NBEA: variants seen among roughly 807,000 people sequenced by gnomAD.
The protein encoded by NBEA is lysosomal-trafficking regulator 2.
In NBEA, 44 loss-of-function variants were observed where a neutral mutation model predicts 343.4. That is an observed-to-expected ratio of 0.13 (90% CI 0.10 to 0.16). The LOEUF (loss-of-function observed/expected upper bound fraction) is 0.16, where lower values mean the gene tolerates loss of function less well. Ranked by LOEUF, NBEA falls within the 10% of genes least tolerant of loss-of-function variation. The pLI is 1.00. For missense variants in NBEA, 2,555 were observed against 3,631.3 expected, an observed-to-expected ratio of 0.70 and a Z score of 7.62; for synonymous variants, 1,175 against 1,238.7, an observed-to-expected ratio of 0.95 and a Z score of 1.08.
At chr13:35,323,776 C>T (rs977251351) in intron 36 of NBEA, among the ~76,000 whole-genome samples, 3 of 151,902 alleles carry the variant, frequency 2.0e-5, no homozygotes, top group Non-Finnish European at 4.4e-5. Flanking sequence ...TATTTTTTCT[C>T]TTCTGAGCAC....
intron 1 of NBEA, among the ~76,000 whole-genome samples, chr13:35,002,480 C>A (rs2061173615): frequency 1.3e-5 from 2 of 152,122 alleles, no homozygotes; most frequent in Admixed American, 1.3e-4. Context: ...TTCTTGGTAA[C>A]AACAGTAAAG....
At chr13:34,995,869 A>T (rs2060923290) in intron 1 of NBEA, among the ~76,000 whole-genome samples, 1 of 152,238 alleles carries the variant, frequency 6.6e-6, no homozygotes, top group Admixed American at 6.5e-5. Flanking sequence ...GTCCCAGAAT[A>T]TCTGAATTAG....
At chr13:35,164,551 A>G in intron 24 of NBEA, 42 bp downstream of exon 24, 2 of 1,573,340 alleles carry the variant, frequency 1.3e-6, no homozygotes, top group Middle Eastern at 1.7e-4. Context: ...TTTTATAAAT[A>G]CATGACTTTA....
chr13:35,559,697 C>T (rs978513579), intron 44 of NBEA, among the ~76,000 whole-genome samples: 3 of 152,024 alleles, frequency 2.0e-5, no homozygotes, highest in Admixed American at 6.6e-5. Context: ...AGGTGGATCA[C>T]GAGGTCAGGA....
chr13:35,634,815 CTT>C (rs1359711327), intron 49 of NBEA, among the ~76,000 whole-genome samples: 1 of 151,826 alleles, frequency 6.6e-6, no homozygotes, highest in Non-Finnish European at 1.5e-5. Flanking sequence ...CTTATAGTTT[CTT>C]TTTCTATCTT....
chr13:35,213,684 A>T (rs117134939), intron 33 of NBEA, among the ~76,000 whole-genome samples: 3,008 of 151,882 alleles, frequency 0.02, 55 homozygotes, highest in Non-Finnish European at 0.032. Flanking sequence ...ATTTATTCTT[A>T]GGAATTGAAT....
At chr13:35,318,835 G>A (rs1008192013) in intron 36 of NBEA, among the ~76,000 whole-genome samples, 1 of 152,130 alleles carries the variant, frequency 6.6e-6, no homozygotes, top group Non-Finnish European at 1.5e-5. Flanking sequence ...TCTTGGGAGG[G>A]TGTATGTGTC....
At chr13:35,619,580 G>C (rs775991274) in intron 48 of NBEA, among the ~76,000 whole-genome samples, 2 of 152,180 alleles carry the variant, frequency 1.3e-5, no homozygotes, top group African/African-American at 2.4e-5. Context: ...TATGGCCTGA[G>C]TTCCAAGAGA....
intron 1 of NBEA, among the ~76,000 whole-genome samples, chr13:35,013,090 A>G (rs1033063759): frequency 1.3e-5 from 2 of 152,354 alleles, no homozygotes; most frequent in South Asian, 2.1e-4. Context: ...AAAGCTACTT[A>G]CAAATATACT....
At chr13:35,263,533 A>G (rs1403258361) in intron 34 of NBEA, among the ~76,000 whole-genome samples, 1 of 152,148 alleles carries the variant, frequency 6.6e-6, no homozygotes, top group Non-Finnish European at 1.5e-5. Context: ...GTATCACAAA[A>G]CAAGTCTTAA....
At chr13:34,990,423 C>A (rs2060710558) in intron 1 of NBEA, among the ~76,000 whole-genome samples, 1 of 151,192 alleles carries the variant, frequency 6.6e-6, no homozygotes, top group South Asian at 2.1e-4. Flanking sequence ...ACATAGAAGT[C>A]ACCAAAGTTT....
At chr13:35,041,298 T>G in intron 2 of NBEA, 134 bp downstream of exon 2, 1 of 778,416 alleles carries the variant, frequency 1.3e-6, no homozygotes, top group Non-Finnish European at 2.0e-6. Flanking sequence ...TGTGGAAATT[T>G]TACTTTTTAT....
chr13:34,988,981 CT>C (rs2060655703), intron 1 of NBEA, among the ~76,000 whole-genome samples: 1 of 150,978 alleles, frequency 6.6e-6, no homozygotes, highest in Middle Eastern at 3.2e-3. Context: ...TATCTTACTA[CT>C]ATTTGTTGTT....
At chr13:35,199,248 T>C (rs2072847234) in intron 31 of NBEA, among the ~76,000 whole-genome samples, 1 of 152,106 alleles carries the variant, frequency 6.6e-6, no homozygotes, top group South Asian at 2.1e-4. Flanking sequence ...CATTATGAGG[T>C]ATATAAACAT....
intron 38 of NBEA, among the ~76,000 whole-genome samples, chr13:35,357,266 C>T (rs1197599569): frequency 1.3e-5 from 2 of 151,570 alleles, no homozygotes; most frequent in Non-Finnish European, 2.9e-5. Context: ...TGTGTAATCT[C>T]GAACAGAGAG....
intron 39 of NBEA, among the ~76,000 whole-genome samples, chr13:35,443,735 G>A (rs2045858080): frequency 6.6e-6 from 1 of 151,898 alleles, no homozygotes; most frequent in Non-Finnish European, 1.5e-5. Context: ...AGGTATAAAA[G>A]ATTGAGAAAA....
At chr13:35,027,581 T>C (rs1395227326) in intron 1 of NBEA, among the ~76,000 whole-genome samples, 1 of 152,024 alleles carries the variant, frequency 6.6e-6, no homozygotes, top group Non-Finnish European at 1.5e-5. Context: ...TCTAGATGAG[T>C]CCTTTATCAG....
intron 16 of NBEA, among the ~76,000 whole-genome samples, chr13:35,122,574 G>A (rs1274251953): frequency 1.6e-5 from 2 of 124,180 alleles, no homozygotes; most frequent in Admixed American, 9.1e-5. Flanking sequence ...CTGTTGTGGG[G>A]TCGGGGGAGG....
chr13:35,585,341 G>A (rs897741009), intron 46 of NBEA, among the ~76,000 whole-genome samples: 1 of 151,892 alleles, frequency 6.6e-6, no homozygotes. Flanking sequence ...TTTTGGGGAG[G>A]TCACATATTA....
Sources: allele counts gnomAD v4.1 joint callset (sites outside exome capture counted in the v4.1 genomes callset), GRCh38; gene constraint gnomAD v4.1.1; transcripts MANE v1.5; gene names NCBI Gene and HGNC (gene_info 2026-07-23, HGNC 2026-07-21).